The following UTRN variants were observed in gnomAD, a reference collection of about 807,000 sequenced individuals.
UTRN encodes utrophin, also known as dystrophin-related protein 1.
A neutral mutation model predicts 463.9 loss-of-function variants in UTRN; 283 were observed. The ratio of observed to expected loss-of-function variants is 0.61; its 90% CI spans 0.55 to 0.67. The LOEUF (loss-of-function observed/expected upper bound fraction) is 0.67, where lower values mean the gene tolerates loss of function less well. UTRN is among the 30% of genes least tolerant of loss of function. The probability of loss-of-function intolerance (pLI) is 0.00; values close to 1 mark genes in which losing one functional copy is unlikely to be tolerated. For synonymous variants in UTRN, 1,442 were observed against 1,431.5 expected (o/e 1.01, Z -0.17); for missense variants, 3,922 against 4,084.3 (o/e 0.96, Z 1.08).
At chr6:144,548,000 G>C (rs140017085) in intron 46 of UTRN, among the ~76,000 whole-genome samples, 3 of 151,988 alleles carry the variant, frequency 2.0e-5, no homozygotes, top group Admixed American at 1.3e-4. Context: ...ACTACTTATT[G>C]TATCAAAACC....
chr6:144,295,909 A>G (rs536024549), intron 2 of UTRN, among the ~76,000 whole-genome samples: 1 of 152,162 alleles, frequency 6.6e-6, no homozygotes, highest in South Asian at 2.1e-4. Flanking sequence ...GCCTTTGCAC[A>G]TCTCTCTTCT....
chr6:144,632,091 T>G (rs922643459), intron 51 of UTRN, among the ~76,000 whole-genome samples: 1 of 152,168 alleles, frequency 6.6e-6, no homozygotes, highest in African/African-American at 2.4e-5. Flanking sequence ...GTGGGGACCA[T>G]CTAGCTTTTA....
chr6:144,372,540 A>G (rs1413417047), intron 2 of UTRN, among the ~76,000 whole-genome samples: 1 of 151,722 alleles, frequency 6.6e-6, no homozygotes, highest in African/African-American at 2.4e-5. Flanking sequence ...TGTCACCCAG[A>G]CTGGAGTGCA....
intron 2 of UTRN, among the ~76,000 whole-genome samples, chr6:144,363,472 C>T (rs1256447084): frequency 1.3e-5 from 2 of 152,160 alleles, no homozygotes; most frequent in East Asian, 1.9e-4. Flanking sequence ...TTATTTTCCA[C>T]CTGGGCCTTA....
At chr6:144,303,062 C>A (rs1184047451) in intron 2 of UTRN, among the ~76,000 whole-genome samples, 5 of 152,138 alleles carry the variant, frequency 3.3e-5, no homozygotes, top group Non-Finnish European at 7.3e-5. Context: ...AGAAAGATAA[C>A]TTGGCTGGCA....
chr6:144,344,256 T>C (rs772324152), intron 2 of UTRN: 4 of 1,304,210 alleles, frequency 3.1e-6, no homozygotes, highest in South Asian at 2.5e-5. Flanking sequence ...AAAGTGCAGA[T>C]TGGATTTGCC....
intron 51 of UTRN, among the ~76,000 whole-genome samples, chr6:144,596,970 G>C (rs1803712547): frequency 6.6e-6 from 1 of 152,138 alleles, no homozygotes; most frequent in Non-Finnish European, 1.5e-5. Context: ...TAGGCACAGT[G>C]GCTCACACCT....
intron 3 of UTRN, 89 bp downstream of exon 3, chr6:144,403,273 G>A (rs2114797386): frequency 8.6e-7 from 1 of 1,161,192 alleles, no homozygotes; most frequent in East Asian, 2.5e-5. Flanking sequence ...TTTTCCCCAG[G>A]AAATGTCACC....
At chr6:144,379,086 A>G (rs1780696036) in intron 2 of UTRN, among the ~76,000 whole-genome samples, 1 of 152,222 alleles carries the variant, frequency 6.6e-6, no homozygotes, top group Non-Finnish European at 1.5e-5. Context: ...TAAGGTTGAA[A>G]TGAGTCTGTG....
intron 51 of UTRN, among the ~76,000 whole-genome samples, chr6:144,664,775 A>G (rs930605051): frequency 6.6e-6 from 1 of 151,712 alleles, no homozygotes; most frequent in African/African-American, 2.4e-5. Context: ...ATTAATGACA[A>G]TTACTATCCC....
intron 10 of UTRN, among the ~76,000 whole-genome samples, chr6:144,437,248 C>A (rs1487065208): frequency 4.6e-5 from 7 of 152,112 alleles, no homozygotes. Flanking sequence ...GCCACCACAC[C>A]CAGCCTTTTA....
rs12212215 is a variant in UTRN at position 144,460,913 on chromosome 6, T to C, written c.2708-284T>C. ...GAGATTATATGGAACAAAAGGGACA[T>C]TGTTGTTCCATCTTCAGAGAGACAT... On this transcript the variant is annotated intron_variant, in intron 21 of 74. Transcript: ENST00000367545. Among the ~76,000 whole-genome samples, 916 of 152,340 alleles carry C rather than the reference T, an allele frequency of 6.0e-3. 1 individual carries two copies. Among genetic ancestry groups the C allele is most frequent in the Middle Eastern group, 0.024 (7 of 294 alleles).
At chr6:144,623,424 C>A (rs1775628654) in intron 51 of UTRN, among the ~76,000 whole-genome samples, 1 of 152,146 alleles carries the variant, frequency 6.6e-6, no homozygotes. Context: ...ATGTTTAAGG[C>A]TATTTTGTAA....
intron 51 of UTRN, among the ~76,000 whole-genome samples, chr6:144,590,053 G>T (rs1802862634): frequency 6.6e-6 from 1 of 151,754 alleles, no homozygotes; most frequent in South Asian, 2.1e-4. Context: ...TGGAGACAGG[G>T]CCTCACTATG....
intron 34 of UTRN, among the ~76,000 whole-genome samples, chr6:144,503,693 T>G (rs1056210023): frequency 6.6e-5 from 10 of 152,182 alleles, no homozygotes; most frequent in Non-Finnish European, 1.5e-5. Context: ...GCCTCCAGCT[T>G]TGTTCTTTTT....
rs115019789 is a variant in UTRN at position 144,531,150 on chromosome 6, C to G, written c.6005C>G (p.Thr2002Ser). 1 of 1,613,982 alleles carries G rather than the reference C, an allele frequency of 6.2e-7. No individual in the cohort carries two copies. Among genetic ancestry groups the G allele is most frequent in the Admixed American group, 1.7e-5 (1 of 60,012 alleles). Reference protein sequence around the residue: ...ITEAEELLVDTCAPGGSLDLE... With the variant: ...ITEAEELLVDSCAPGGSLDLE... ...GAGGCTGAAGAATTACTGGTTGATACCTGTGCTCCAGGTGGCAGCCTGGAC... is the reference window on the plus strand; with the variant it reads ...GAGGCTGAAGAATTACTGGTTGATAGCTGTGCTCCAGGTGGCAGCCTGGAC... The change falls in exon 42 of 75, where the codon ACC becomes AGC. Residue 2002 changes from threonine to serine, a missense_variant. Physicochemically the swap from Thr to Ser is moderately conservative, Grantham distance 58. This residue lies in a region of UTRN where 2,349 missense variants were observed against 2,303.8 expected (regional missense o/e 1.02). Transcript: ENST00000367545.
chr6:144,821,087 A>G (rs1779558880), intron 66 of UTRN, 69 bp downstream of exon 66: 1 of 1,532,112 alleles, frequency 6.5e-7, no homozygotes. Flanking sequence ...TTATGTTAGT[A>G]ACACAAGAGA....
At position 144,458,904 on chromosome 6, in the gene UTRN, C is replaced by G. The variant is rs775767697; in HGVS notation, c.2419C>G (p.Leu807Val). The G allele has an allele frequency of 1.9e-5, 31 of 1,613,710 alleles. No individual in the cohort carries two copies. Among genetic ancestry groups the G allele is most frequent in the African/African-American group, 6.7e-5 (5 of 74,870 alleles). ...AGATATAAATGCTTATTTCAAGCAGCTTGATGAGCTTGAAAAGGTCATCAA... is the reference window on the plus strand; with the variant it reads ...AGATATAAATGCTTATTTCAAGCAGGTTGATGAGCTTGAAAAGGTCATCAA... ...QEDINAYFKQLDELEKVIKTK... is the reference protein window; with the variant it reads ...QEDINAYFKQVDELEKVIKTK... Residue 807 changes from leucine to valine, a missense_variant, in exon 20 of 75, where the codon CTT becomes GTT. By Grantham distance (32) the Leu-to-Val change is conservative (BLOSUM62 1). Transcript: ENST00000367545.
intron 19 of UTRN, 92 bp from the exon 20 acceptor site, chr6:144,458,678 C>A: frequency 7.1e-7 from 1 of 1,411,710 alleles, no homozygotes; most frequent in East Asian, 2.4e-5. Flanking sequence ...TGTGACATTG[C>A]CTCACTATTC....
Sources: gnomAD v4.1 joint callset for allele counts (sites outside exome capture counted in the v4.1 genomes callset) on GRCh38, gnomAD v4.1.1 for gene constraint, gnomAD v4.1.1 regional missense constraint, MANE v1.5 for transcripts, NCBI Gene and HGNC (gene_info 2026-07-23, HGNC 2026-07-21) for gene names.